The following KCNQ5 variants were observed in gnomAD, a reference collection of about 807,000 sequenced individuals.
KCNQ5 encodes potassium voltage-gated channel subfamily Q member 5, also known as potassium voltage-gated channel subfamily KQT member 5.
A neutral mutation model predicts 98.2 loss-of-function variants in KCNQ5; 30 were observed. The ratio of observed to expected loss-of-function variants is 0.31; its 90% CI spans 0.23 to 0.41. KCNQ5 has a LOEUF of 0.41. KCNQ5 is among the 10% of genes least tolerant of loss of function. The probability of loss-of-function intolerance (pLI) is 1.00; values close to 1 mark genes in which losing one functional copy is unlikely to be tolerated. For synonymous variants in KCNQ5, 458 were observed against 449.4 expected (o/e 1.02, Z -0.24); for missense variants, 835 against 1,182.5 (o/e 0.71, Z 4.31).
chr6:73,142,841 AG>A (rs1220804471), intron 10 of KCNQ5, among the ~76,000 whole-genome samples: 1 of 152,116 alleles, frequency 6.6e-6, no homozygotes, highest in African/African-American at 2.4e-5. Context: ...ACTTGAATCC[AG>A]GAAGAGGAGG....
intron 1 of KCNQ5, among the ~76,000 whole-genome samples, chr6:72,660,098 A>G (rs953646516): frequency 1.3e-5 from 2 of 152,210 alleles, no homozygotes; most frequent in African/African-American, 4.8e-5. Context: ...GAGGATGTTT[A>G]TGCAGTATTA....
At chr6:73,008,251 G>A (rs73533925) in intron 2 of KCNQ5, among the ~76,000 whole-genome samples, 8,180 of 152,102 alleles carry the variant, frequency 0.054, 741 homozygotes, top group African/African-American at 0.19. Context: ...TGATGAAAGC[G>A]TCTCCTTATC....
At chr6:73,098,503 A>G (rs367723843) in intron 5 of KCNQ5, among the ~76,000 whole-genome samples, 62 of 152,344 alleles carry the variant, frequency 4.1e-4, no homozygotes, top group African/African-American at 1.3e-3. Context: ...TATAAGCAGC[A>G]AAAGAAGAGA....
At chr6:73,133,389 A>C (rs1367600194) in intron 9 of KCNQ5, 32 bp from the exon 10 acceptor site, 1 of 1,587,482 alleles carries the variant, frequency 6.3e-7, no homozygotes, top group Non-Finnish European at 8.6e-7. Flanking sequence ...AAATTGCTTG[A>C]AATGGAATAA....
chr6:73,043,185 G>T (rs755510472), intron 3 of KCNQ5: 4 of 424,592 alleles, frequency 9.4e-6, no homozygotes, highest in Non-Finnish European at 2.0e-5. Flanking sequence ...CTGTTAAGAA[G>T]AATCCTTTAT....
Position 73,195,062 on chromosome 6 carries a change from T to G in KCNQ5, c.2447T>G (p.Leu816Trp), listed in dbSNP as rs544623425. The G allele has an allele frequency of 6.2e-7, 1 of 1,614,232 alleles. No individual in the cohort carries two copies. The highest frequency in any genetic ancestry group is 1.1e-5 in the South Asian group (1 of 91,090). The change falls in exon 14 of 14, where the codon TTG (leucine) becomes TGG (tryptophan). Residue 816 changes from leucine to tryptophan, a missense_variant. Coordinates refer to ENST00000370398, the MANE Select transcript of KCNQ5 (RefSeq NM_019842.4). ...KSFDMGGETL[L>W]SVCPMVPKDL... ...TTTGACATGGGAGGAGAAACTCTGT[T>G]GTCTGTCTGTCCCATGGTGCCGAAG...
intron 11 of KCNQ5, among the ~76,000 whole-genome samples, chr6:73,189,494 A>G (rs1193306930): frequency 3.3e-5 from 5 of 152,182 alleles, no homozygotes; most frequent in African/African-American, 1.2e-4. Flanking sequence ...TTCTTTTTCA[A>G]CTTTACATTT....
intron 10 of KCNQ5, among the ~76,000 whole-genome samples, chr6:73,153,690 G>GA (rs1048340139): frequency 9.6e-5 from 14 of 145,734 alleles, no homozygotes; most frequent in South Asian, 2.2e-4. Context: ...TATCTCTTTA[G>GA]AAAAAAAAAA....
chr6:72,730,937 T>C (rs1373562217), intron 1 of KCNQ5, among the ~76,000 whole-genome samples: 1 of 135,946 alleles, frequency 7.4e-6, no homozygotes, highest in Non-Finnish European at 1.5e-5. Context: ...TCCAAGAACA[T>C]AGTACGCATT....
In KCNQ5 at chr6:72,790,945, C is replaced by CATTT. The variant is rs201068593; in HGVS notation, c.398+168359_398+168360insTTTA. Among the ~76,000 whole-genome samples the CATTT allele has an allele frequency of 3.9e-3, 592 of 151,972 alleles. 3 individuals carry two copies. Among genetic ancestry groups the CATTT allele is most frequent in the Middle Eastern group, 0.014 (4 of 294 alleles). ...TGTTTTGTTTGTTTTTAGTATGTGC[C>CATTT]AGAAATGGTCCTGGGTCTGGAGGTA... On this transcript the variant is annotated intron_variant, in intron 1 of 13. Transcript: ENST00000370398.
At chr6:72,951,441 C>CA (rs1459342945) in intron 1 of KCNQ5, among the ~76,000 whole-genome samples, 1 of 88,558 alleles carries the variant, frequency 1.1e-5, no homozygotes, top group African/African-American at 3.8e-5. Context: ...CCACACCCAG[C>CA]AAATTTTTTT....
intron 1 of KCNQ5, among the ~76,000 whole-genome samples, chr6:72,832,030 G>T (rs1776297587): frequency 1.3e-5 from 2 of 152,284 alleles, no homozygotes; most frequent in African/African-American, 4.8e-5. Flanking sequence ...GATGAAGGCA[G>T]TATTAATTGC....
At chr6:73,176,434 G>T (rs1019910400) in intron 11 of KCNQ5, among the ~76,000 whole-genome samples, 2 of 152,282 alleles carry the variant, frequency 1.3e-5, no homozygotes, top group East Asian at 3.9e-4. Flanking sequence ...TGCACAGCCT[G>T]CAGAACCATG....
At chr6:72,698,511 T>C (rs549586771) in intron 1 of KCNQ5, among the ~76,000 whole-genome samples, 7 of 152,132 alleles carry the variant, frequency 4.6e-5, no homozygotes, top group Middle Eastern at 3.4e-3. Flanking sequence ...CTTGTTTTGT[T>C]TGTTTGTTTG....
At chr6:72,957,765 T>G (rs937934682) in intron 1 of KCNQ5, among the ~76,000 whole-genome samples, 2 of 152,198 alleles carry the variant, frequency 1.3e-5, no homozygotes, top group African/African-American at 4.8e-5. Context: ...TCCATATTAT[T>G]CATGGACTGA....
chr6:72,961,893 A>G (rs1039103975), intron 1 of KCNQ5, among the ~76,000 whole-genome samples: 1 of 151,758 alleles, frequency 6.6e-6, no homozygotes, highest in African/African-American at 2.4e-5. Context: ...AGTGGGAGCC[A>G]AGGCCAGGTG....
At chr6:72,951,398 C>T (rs1016875891) in intron 1 of KCNQ5, among the ~76,000 whole-genome samples, 10 of 151,890 alleles carry the variant, frequency 6.6e-5, no homozygotes, top group Non-Finnish European at 1.2e-4. Context: ...CTGCCTCAGC[C>T]TCCTGAGTAG....
chr6:72,742,529 G>C (rs1007161922), intron 1 of KCNQ5, among the ~76,000 whole-genome samples: 7 of 152,164 alleles, frequency 4.6e-5, no homozygotes, highest in African/African-American at 1.4e-4. Context: ...AGCATGGTCT[G>C]TTCAAAATTT....
At chr6:72,844,074 G>A (rs1776919983) in intron 1 of KCNQ5, among the ~76,000 whole-genome samples, 1 of 152,172 alleles carries the variant, frequency 6.6e-6, no homozygotes, top group Admixed American at 6.5e-5. Context: ...TTTGATGGGT[G>A]CAGGAAACCA....
Sources: allele counts gnomAD v4.1 joint callset (sites outside exome capture counted in the v4.1 genomes callset), GRCh38; gene constraint gnomAD v4.1.1; transcripts MANE v1.5; gene names NCBI Gene and HGNC (gene_info 2026-07-23, HGNC 2026-07-21).